The following SPATA6 variants were observed in gnomAD, a reference collection of about 807,000 sequenced individuals.
SPATA6 encodes spermatogenesis associated 6.
In SPATA6, 56 loss-of-function variants were observed where a neutral mutation model predicts 65.3. The ratio of observed to expected loss-of-function variants is 0.86; its 90% CI spans 0.69 to 1.07. The LOEUF is 1.07. Among genes scored for constraint, SPATA6 ranks in the 50% least tolerant of loss-of-function variants. SPATA6 has a pLI of 0.00. For synonymous variants in SPATA6, 199 were observed against 213.2 expected, an observed-to-expected ratio of 0.93 and a Z score of 0.58; for missense variants, 590 against 594.8, an observed-to-expected ratio of 0.99 and a Z score of 0.08.
At chr1:48,450,038 TTAA>T (rs1656420826) in intron 3 of SPATA6, among the ~76,000 whole-genome samples, 1 of 152,024 alleles carries the variant, frequency 6.6e-6, no homozygotes, top group South Asian at 2.1e-4. Flanking sequence ...CATTTTTTTT[TTAA>T]TTAAGGAACT....
rs374843565 is a variant in SPATA6, at chr1:48,330,167, C to G, written c.1195-24289G>C. Among the ~76,000 whole-genome samples the G allele has an allele frequency of 1.4e-4, 22 of 152,174 alleles. 1 individual carries two copies. Among genetic ancestry groups the G allele is most frequent in the African/African-American group, 5.3e-4 (22 of 41,448 alleles). Reference sequence around the variant, plus strand: ...CTTGGTCAGCCAATCCTCCCACCCCCACCACTGGTAGCCAGCTGGACAATG... The same window carrying G: ...CTTGGTCAGCCAATCCTCCCACCCCGACCACTGGTAGCCAGCTGGACAATG... On this transcript the variant is annotated intron_variant, in intron 11 of 12. Coordinates refer to ENST00000371847, the MANE Select transcript of SPATA6 (RefSeq NM_019073.4).
intron 9 of SPATA6, among the ~76,000 whole-genome samples, chr1:48,368,065 G>T (rs1359746077): frequency 1.3e-5 from 2 of 152,112 alleles, no homozygotes; most frequent in African/African-American, 4.8e-5. Flanking sequence ...AGCTTAGTTT[G>T]GCTGGATATG....
At chr1:48,270,338 C>T in the SPATA6 span, among the ~76,000 whole-genome samples, 3 of 152,028 alleles carry the variant, frequency 2.0e-5, no homozygotes, top group Non-Finnish European at 2.9e-5. Flanking sequence ...GGTTTTAATG[C>T]GTAAAGGTAA....
At chr1:48,457,652 A>G (rs1174349286) in intron 1 of SPATA6, among the ~76,000 whole-genome samples, 1 of 152,108 alleles carries the variant, frequency 6.6e-6, no homozygotes, top group East Asian at 1.9e-4. Flanking sequence ...ACCCACAAAA[A>G]TTTTCTTTCA....
At chr1:48,325,423 T>C in intron 11 of SPATA6, 1 of 1,319,326 alleles carries the variant, frequency 7.6e-7, no homozygotes, top group Non-Finnish European at 1.1e-6. Flanking sequence ...CCCAGCTTCT[T>C]CTTGACTGGG....
chr1:48,298,778 T>C lies in SPATA6; in HGVS notation c.1402A>G (p.Lys468Glu). Residue 468 changes from lysine (K) to glutamate (E), a missense_variant, in exon 13 of 13, where the codon AAG (lysine) becomes GAG (glutamate). Transcript: ENST00000371847. ...TTTTTGTATAAGTTCCTGTACATCT[T>C]GTCCATGCTGTTCTCAAAGATGGGT... is the stretch of plus-strand genomic sequence containing the variant. Reference protein sequence around the residue: ...HRPIFENSMDKMYRNLYKKAC... With the variant: ...HRPIFENSMDEMYRNLYKKAC... 1.2e-6 allele frequency: 2 copies of C among 1,614,070 alleles called. No individual in the cohort carries two copies. Among genetic ancestry groups the C allele is most frequent in the Non-Finnish European group, 1.7e-6 (2 of 1,179,950 alleles).
intron 7 of SPATA6, chr1:48,399,057 C>T (rs770672198): frequency 1.9e-5 from 5 of 257,176 alleles, no homozygotes; most frequent in African/African-American, 4.4e-5. Context: ...TCAATTACAA[C>T]CAAGTTCAAT....
At chr1:48,314,221 G>A (rs377477207) in intron 11 of SPATA6, among the ~76,000 whole-genome samples, 57 of 152,016 alleles carry the variant, frequency 3.7e-4, no homozygotes, top group East Asian at 7.7e-4. Flanking sequence ...TCTCCACCCC[G>A]AATCAACAGA....
chr1:48,367,454 G>A lies in SPATA6; in HGVS notation c.910-7684C>T, dbSNP rs968968850. ...CTAAGTCTCTTTGTAGGTCACTCAG[G>A]ACTTGCTTTATGAATCTGCATGCTC... On this transcript the variant is annotated intron_variant, in intron 9 of 12. Coordinates refer to ENST00000371847, the MANE Select transcript of SPATA6 (RefSeq NM_019073.4). 1.8e-4 allele frequency among the ~76,000 whole-genome samples: 28 copies of A among 152,130 alleles called. 1 individual carries two copies. Among genetic ancestry groups the A allele is most frequent in the Admixed American group, 1.2e-3 (18 of 15,276 alleles).
chr1:48,309,173 T>C (rs532534112), intron 11 of SPATA6, among the ~76,000 whole-genome samples: 1 of 152,300 alleles, frequency 6.6e-6, no homozygotes, highest in African/African-American at 2.4e-5. Flanking sequence ...GCAAGGACCA[T>C]TATTTCTCCA....
In SPATA6 at chr1:48,359,582, T is replaced by C. The variant is rs758089162; in HGVS notation, c.1094+4A>G. ...GTACAGAAATGAAGACCGCACATAA[T>C]TACCTTTCCCTGAGAGAAGCTCTAT... On this transcript the variant is annotated splice_donor_region_variant and intron_variant, in intron 10 of 12. Transcript: ENST00000371847. 14 of 1,612,358 alleles carry C rather than the reference T, an allele frequency of 8.7e-6. No homozygotes were observed. The highest frequency in any genetic ancestry group is 6.7e-5 in the Admixed American group (4 of 59,932).
intron 6 of SPATA6, among the ~76,000 whole-genome samples, chr1:48,402,001 T>C (rs1651209342): frequency 6.6e-6 from 1 of 152,200 alleles, no homozygotes. Flanking sequence ...ATATATTCCC[T>C]AATCTTTACA....
intron 9 of SPATA6, among the ~76,000 whole-genome samples, chr1:48,365,004 G>C (rs1192607273): frequency 2.6e-5 from 4 of 152,146 alleles, no homozygotes; most frequent in Non-Finnish European, 5.9e-5. Context: ...TCCAGTTTCA[G>C]CTTTCTACAT....
chr1:48,351,751 G>A (rs1445579522), intron 11 of SPATA6, among the ~76,000 whole-genome samples: 1 of 151,960 alleles, frequency 6.6e-6, no homozygotes, highest in Non-Finnish European at 1.5e-5. Context: ...TGCTTGTAAT[G>A]TTGATGTCTG....
chr1:48,384,407 G>T, intron 9 of SPATA6, among the ~76,000 whole-genome samples: 1 of 92,780 alleles, frequency 1.1e-5, no homozygotes, highest in East Asian at 2.9e-4. Context: ...AGAGGGAGAG[G>T]GAGAGGGAGA....
In SPATA6 at chr1:48,445,977, A is replaced by T. The variant is rs546370088; in HGVS notation, c.238+5575T>A. Among the ~76,000 whole-genome samples the T allele has an allele frequency of 3.3e-5, 5 of 152,358 alleles. No individual in the cohort carries two copies. In the East Asian group the frequency reaches 5.8e-4, roughly 18 times the overall value. ...ATCAAGACCGAGCCTCAAAATAAAT[A>T]CATCACGCTAGGTCCAATTAGGAGA... On this transcript the variant is annotated intron_variant, in intron 3 of 12. Transcript: ENST00000371847.
At chr1:48,401,002 A>T (rs60149733) in intron 6 of SPATA6, 5,501 of 216,922 alleles carry the variant, frequency 0.025, 310 homozygotes, top group African/African-American at 0.12. Flanking sequence ...AAGACCTTGG[A>T]ATCATGAGTT....
chr1:48,285,536 C>CA, the SPATA6 span, among the ~76,000 whole-genome samples: 31 of 151,398 alleles, frequency 2.0e-4, no homozygotes, highest in Admixed American at 1.2e-3. Flanking sequence ...AATGGCTGCC[C>CA]AGTTTTGTGT....
At chr1:48,434,712 G>A (rs2148072651) in intron 3 of SPATA6, among the ~76,000 whole-genome samples, 1 of 152,230 alleles carries the variant, frequency 6.6e-6, no homozygotes, top group Middle Eastern at 3.4e-3. Context: ...GTGTGTGTGT[G>A]TGTCTGTAGA....
Sources: allele counts gnomAD v4.1 joint callset (sites outside exome capture counted in the v4.1 genomes callset), GRCh38; gene constraint gnomAD v4.1.1; transcripts MANE v1.5; gene names NCBI Gene and HGNC (gene_info 2026-07-23, HGNC 2026-07-21).